Variants in MCCC1 observed in about 807,000 individuals in gnomAD.
MCCC1 encodes methylcrotonyl-CoA carboxylase subunit 1.
In MCCC1, 64 loss-of-function variants were observed where a neutral mutation model predicts 83.8. That is an observed-to-expected ratio of 0.76 (90% CI 0.62 to 0.94). The LOEUF (loss-of-function observed/expected upper bound fraction) is 0.94. Among genes scored for constraint, MCCC1 ranks in the 40% least tolerant of loss-of-function variants. The pLI is 0.00. For synonymous variants in MCCC1, 322 were observed against 315.4 expected (o/e 1.02, Z -0.22); for missense variants, 807 against 904.7 (o/e 0.89, Z 1.39).
chr3:183,021,222 T>C (rs1712137032), intron 16 of MCCC1, among the ~76,000 whole-genome samples: 1 of 152,118 alleles, frequency 6.6e-6, no homozygotes, highest in Non-Finnish European at 1.5e-5. Context: ...AGGAAGGTAC[T>C]GTCATTATTA....
chr3:183,050,788 T>C (rs1714920263), intron 9 of MCCC1, among the ~76,000 whole-genome samples: 1 of 151,320 alleles, frequency 6.6e-6, no homozygotes, highest in South Asian at 2.1e-4. Flanking sequence ...AAGGCACATC[T>C]GATAAAGAAC....
At chr3:183,069,538 T>C (rs1025874919) in intron 7 of MCCC1, among the ~76,000 whole-genome samples, 1 of 152,124 alleles carries the variant, frequency 6.6e-6, no homozygotes, top group Non-Finnish European at 1.5e-5. Context: ...AGGACAGTTG[T>C]TTTATAGGGC....
At chr3:183,110,543 G>C (rs186271865) in intron 1 of MCCC1, among the ~76,000 whole-genome samples, 1 of 151,914 alleles carries the variant, frequency 6.6e-6, no homozygotes, top group Non-Finnish European at 1.5e-5. Context: ...ACAGGCGCCC[G>C]CCACTACGCC....
chr3:183,052,155 C>A lies in MCCC1; in HGVS notation c.955+4G>T. On this transcript the variant is annotated splice_donor_region_variant and intron_variant, in intron 9 of 18. Transcript: ENST00000265594. ...TCTTCCATTAGAAGCAAATCTTAACCTACCTGCTCCAACATAATTTACAGC... is the reference window on the plus strand; with the variant it reads ...TCTTCCATTAGAAGCAAATCTTAACATACCTGCTCCAACATAATTTACAGC... 1 of 1,613,732 alleles carries A rather than the reference C, an allele frequency of 6.2e-7. No individual in the cohort carries two copies. Among genetic ancestry groups the A allele is most frequent in the Non-Finnish European group, 8.5e-7 (1 of 1,179,706 alleles).
In MCCC1 at chr3:183,071,869, A is replaced by ATTTT. The variant is rs377212072; in HGVS notation, c.491+493_491+496dup. Among the ~76,000 whole-genome samples the ATTTT allele has an allele frequency of 7.8e-4, 103 of 132,778 alleles. 3 individuals carry two copies. The highest frequency in any genetic ancestry group is 2.9e-3 in the East Asian group (13 of 4,526). The allele number at this position is 132,778 out of a possible 152,430, so 87.1% of individuals were successfully genotyped here. A position where few individuals can be genotyped will look rare whatever the true frequency, so the allele number is the denominator to read the frequency against. On this transcript the variant is annotated intron_variant, in intron 5 of 18. Coordinates refer to ENST00000265594, the MANE Select transcript of MCCC1 (RefSeq NM_020166.5). ...GGTGTGTGTCACCATACCCAGCTGA[A>ATTTT]TTTTTTTTTTTTTTTTTGAGATGGG...
At chr3:183,028,771 T>C (rs1034052999) in intron 14 of MCCC1, among the ~76,000 whole-genome samples, 1 of 152,188 alleles carries the variant, frequency 6.6e-6, no homozygotes, top group African/African-American at 2.4e-5. Context: ...GAGAAATCTT[T>C]CATGAAAGGA....
chr3:183,072,277 A>G, intron 5 of MCCC1, 89 bp downstream of exon 5: 1 of 1,478,754 alleles, frequency 6.8e-7, no homozygotes, highest in Non-Finnish European at 9.4e-7. Context: ...CTCCCAAAAC[A>G]CTGGTATTAC....
At chr3:183,020,826 A>G (rs953938763) in intron 16 of MCCC1, among the ~76,000 whole-genome samples, 8 of 152,154 alleles carry the variant, frequency 5.3e-5, no homozygotes, top group Admixed American at 3.9e-4. Context: ...TTAGGAGGCC[A>G]AGGTGGGCAG....
At chr3:183,102,066 T>C (rs531084042), upstream of MCCC1, among the ~76,000 whole-genome samples, 1 of 152,276 alleles carries the variant, frequency 6.6e-6, no homozygotes, top group South Asian at 2.1e-4. Context: ...AGCTTCATTC[T>C]TGAAGTCAGT....
At chr3:183,035,033 C>A (rs1055150992) in intron 13 of MCCC1, among the ~76,000 whole-genome samples, 2 of 152,190 alleles carry the variant, frequency 1.3e-5, no homozygotes, top group African/African-American at 4.8e-5. Flanking sequence ...CCGCCCTGGG[C>A]CTCTCAAAGT....
chr3:183,041,601 G>T lies in MCCC1; in HGVS notation c.1233C>A (p.Asp411Glu). The T allele has an allele frequency of 6.2e-7, 1 of 1,614,100 alleles. No homozygotes were observed. The part of the protein sequence containing the change: ...PLVHLSTPRA[D>E]PSTRIETGVR... ...CTCCAGTTTCAATCCTGGTGGAAGG[G>T]TCTGCTCGAGGAGTAGAGAGGTGCA... The change falls in exon 11 of 19, where the codon GAC (aspartate) becomes GAA (glutamate). Residue 411 changes from aspartate (D) to glutamate (E), a missense_variant. Coordinates refer to ENST00000265594, the MANE Select transcript of MCCC1 (RefSeq NM_020166.5).
At chr3:183,088,771 T>G (rs576568182) in intron 3 of MCCC1, among the ~76,000 whole-genome samples, 1 of 152,356 alleles carries the variant, frequency 6.6e-6, no homozygotes, top group South Asian at 2.1e-4. Context: ...TGCAACTGCT[T>G]TTTCCATTAA....
rs59767617 is a variant in MCCC1 at position 183,040,556 on chromosome 3, C to CAAAAAAA, written c.1267+1004_1267+1010dup. On this transcript the variant is annotated intron_variant, in intron 11 of 18. Transcript: ENST00000265594. ...TGAAAACCTGTCTCTACTAAAAATA[C>CAAAAAAA]AAAAAAAAAAAAAAAAATTAGCTAG... Among the ~76,000 whole-genome samples the CAAAAAAA allele has an allele frequency of 3.9e-3, 440 of 112,538 alleles. 12 individuals are homozygous for CAAAAAAA. The highest frequency in any genetic ancestry group is 0.012 in the African/African-American group (340 of 28,560). 73.8% of individuals were successfully genotyped at this position (112,538 alleles called of 152,430 possible). A position where few individuals can be genotyped will look rare whatever the true frequency, so the allele number is the denominator to read the frequency against.
chr3:183,083,790 A>G (rs1717690911), intron 4 of MCCC1, among the ~76,000 whole-genome samples: 1 of 152,222 alleles, frequency 6.6e-6, no homozygotes, highest in South Asian at 2.1e-4. Context: ...ATAATAAAAC[A>G]AAAAGGAAGC....
chr3:183,092,626 TGATAAG>T (rs2108566354), intron 2 of MCCC1, 81 bp from the exon 3 acceptor site: 2 of 1,566,992 alleles, frequency 1.3e-6, no homozygotes, highest in South Asian at 2.3e-5. Context: ...CTTAACTGGC[TGATAAG>T]GACTCGACTG....
At position 183,024,960 on chromosome 3, in the gene MCCC1, T is replaced by TA. The variant is rs1158461277; in HGVS notation, c.1731+794dup. On this transcript the variant is annotated intron_variant, in intron 15 of 18. Coordinates refer to ENST00000265594, the MANE Select transcript of MCCC1 (RefSeq NM_020166.5). ...CATACAACAGAGTATTTTTCACCCT[T>TA]AAAAAAAAAAAAAAAGGAAATTCTC... is the stretch of plus-strand genomic sequence containing the variant. 2.9e-3 allele frequency among the ~76,000 whole-genome samples: 385 copies of TA among 134,646 alleles called. 2 individuals are homozygous for TA. The highest frequency in any genetic ancestry group is 0.011 in the Middle Eastern group (3 of 266). The allele number at this position is 134,646 out of a possible 152,430, so 88.3% of individuals were successfully genotyped here. A position where few individuals can be genotyped will look rare whatever the true frequency, so the allele number is the denominator to read the frequency against.
chr3:183,114,586 G>A (rs1463754432), intron 1 of MCCC1, among the ~76,000 whole-genome samples: 1 of 152,164 alleles, frequency 6.6e-6, no homozygotes, highest in Non-Finnish European at 1.5e-5. Context: ...GCAGTTTTCT[G>A]TGTTGATTGT....
chr3:183,041,254 A>G (rs946157389), intron 11 of MCCC1, among the ~76,000 whole-genome samples: 1 of 152,212 alleles, frequency 6.6e-6, no homozygotes, highest in Admixed American at 6.5e-5. Context: ...TGCATAGCAG[A>G]TATCAGTCAT....
At position 183,091,624 on chromosome 3, in the gene MCCC1, G is replaced by A. The variant is rs144486729; in HGVS notation, c.273+785C>T. Among the ~76,000 whole-genome samples the A allele has an allele frequency of 9.2e-5, 14 of 152,116 alleles. No homozygotes were observed. In the South Asian group the frequency reaches 1.0e-3, roughly 11 times the overall value. ...AAAAAAAACTAGTAATAACTCACCC[G>A]TAACATTCACAAACTTCAGGGAGTT... On this transcript the variant is annotated intron_variant, in intron 3 of 18. Transcript: ENST00000265594.
Sources: gnomAD v4.1 joint callset for allele counts (sites outside exome capture counted in the v4.1 genomes callset) on GRCh38, gnomAD v4.1.1 for gene constraint, MANE v1.5 for transcripts, NCBI Gene and HGNC (gene_info 2026-07-23, HGNC 2026-07-21) for gene names.